Variants in CACNA1B observed in about 807,000 individuals in gnomAD.
CACNA1B encodes the protein voltage-dependent N-type calcium channel subunit alpha-1B.
Under a neutral mutation model 247.2 loss-of-function variants are expected in CACNA1B, and 70 were observed. The observed-to-expected ratio is 0.28, with a 90% CI of 0.23 to 0.35. The LOEUF is 0.35. Among genes scored for constraint, CACNA1B ranks in the 10% least tolerant of loss-of-function variants. CACNA1B has a pLI of 1.00. For synonymous variants in CACNA1B, 1,231 were observed against 1,294.4 expected, an observed-to-expected ratio of 0.95 and a Z score of 1.05; for missense variants, 2,367 against 3,197.4, an observed-to-expected ratio of 0.74 and a Z score of 6.26.
intron 5 of CACNA1B, among the ~76,000 whole-genome samples, chr9:137,915,528 C>G (rs1054033829): frequency 6.6e-6 from 1 of 152,018 alleles, no homozygotes; most frequent in Non-Finnish European, 1.5e-5. Context: ...GAACTACAAA[C>G]TTAGTAAAGG....
intron 18 of CACNA1B, among the ~76,000 whole-genome samples, chr9:138,015,895 G>A (rs1564239460): frequency 6.6e-6 from 1 of 152,006 alleles, no homozygotes; most frequent in South Asian, 2.1e-4. Context: ...CTGAACACTG[G>A]CAGCCTGCAG....
At chr9:138,075,249 G>GC (rs1960273654) in intron 34 of CACNA1B, among the ~76,000 whole-genome samples, 1 of 151,976 alleles carries the variant, frequency 6.6e-6, no homozygotes, top group East Asian at 1.9e-4. Flanking sequence ...TTTTTTTCCT[G>GC]CTTTGGTCTG....
chr9:137,935,522 G>C (rs550081433), intron 6 of CACNA1B, among the ~76,000 whole-genome samples: 1 of 152,326 alleles, frequency 6.6e-6, no homozygotes. Flanking sequence ...ATTTGGGTTA[G>C]TTCTTAGTCT....
intron 3 of CACNA1B, chr9:137,892,177 G>C: frequency 2.2e-6 from 1 of 456,830 alleles, no homozygotes; most frequent in Middle Eastern, 3.3e-4. Context: ...CTGGACACTG[G>C]TCTGCTGGGG....
chr9:138,091,360 G>A (rs529405171), intron 36 of CACNA1B, among the ~76,000 whole-genome samples: 50 of 152,278 alleles, frequency 3.3e-4, no homozygotes, highest in Admixed American at 2.0e-3. Flanking sequence ...AGTGGAGAGT[G>A]GAATAGTGGT....
At position 138,012,858 on chromosome 9, in the gene CACNA1B, A is replaced by G. The variant is rs1481965356; in HGVS notation, c.2161-271A>G. On this transcript the variant is annotated intron_variant, in intron 17 of 46. Transcript: ENST00000371372. This position sits in a 1 kb window ranked among gnomAD's most constrained non-coding sequence, Gnocchi z 4.2. ...CGCCTCCAGGGAGACGGCACAAGCA[A>G]GAGGGCACTGAGGAAGGAATCCTAG... is the stretch of plus-strand genomic sequence containing the variant. Among the ~76,000 whole-genome samples, 1 of 152,140 alleles carries G rather than the reference A, an allele frequency of 6.6e-6. No individual in the cohort carries two copies. Among genetic ancestry groups the G allele is most frequent in the Non-Finnish European group, 1.5e-5 (1 of 68,032 alleles).
At chr9:137,934,667 CT>C (rs1447586633) in intron 6 of CACNA1B, among the ~76,000 whole-genome samples, 2 of 152,188 alleles carry the variant, frequency 1.3e-5, no homozygotes, top group African/African-American at 4.8e-5. Context: ...CAGACAACCC[CT>C]AGTACCAGCC....
intron 23 of CACNA1B, 34 bp downstream of exon 23, chr9:138,047,492 T>C (rs1959194231): frequency 6.7e-7 from 1 of 1,500,134 alleles, no homozygotes. Flanking sequence ...GACCCCAGTG[T>C]TTTGCTCTCC....
chr9:137,959,164 C>T (rs1338299249), intron 10 of CACNA1B, among the ~76,000 whole-genome samples: 2 of 152,034 alleles, frequency 1.3e-5, no homozygotes, highest in African/African-American at 4.8e-5. Context: ...CCTCTGTCTC[C>T]CAGGTTCTAG....
rs1340379252 is a variant in CACNA1B at position 138,102,907 on chromosome 9, G to A, written c.5319+100G>A. 11 of 701,872 alleles carry A rather than the reference G, an allele frequency of 1.6e-5. No homozygotes were observed. Among genetic ancestry groups the A allele is most frequent in the Non-Finnish European group, 2.2e-5 (9 of 409,080 alleles). The allele number at this position is 701,872 out of a possible 1,614,324, so 43.5% of individuals were successfully genotyped here. A position where few individuals can be genotyped will look rare whatever the true frequency, so the allele number is the denominator to read the frequency against. On this transcript the variant is annotated intron_variant, in intron 38 of 46. Coordinates refer to ENST00000371372, the MANE Select transcript of CACNA1B (RefSeq NM_000718.4). The surrounding 1 kb of genome is among the most constrained non-coding windows in gnomAD (Gnocchi z 5.4). ...GCTCCTCTCCCTTTCAGGGTGCCCG[G>A]CTGTCTGTCTGCCGCTCTGCTGTGC...
Position 138,049,224 on chromosome 9 carries a change from C to T in CACNA1B, c.3619C>T (p.Leu1207=). The T allele has an allele frequency of 1.2e-6, 2 of 1,610,756 alleles. No individual in the cohort carries two copies. The highest frequency in any genetic ancestry group is 1.3e-5 in the African/African-American group (1 of 74,988). Residue 1207 remains leucine (L), a synonymous_variant, in exon 24 of 47, where the codon CTG becomes TTG. Transcript: ENST00000371372. ...TCCCTCCTAGATGATCGACTTGGGACTGCTGCTTCACCCTGGAGCCTATTT... is the reference window on the plus strand; with the variant it reads ...TCCCTCCTAGATGATCGACTTGGGATTGCTGCTTCACCCTGGAGCCTATTT... The part of the protein sequence containing the change: ...EMVIKMIDLG[L]LLHPGAYFRD...
At chr9:138,112,280 C>A (rs1961666018) in intron 39 of CACNA1B, 118 bp from the exon 40 acceptor site, 1 of 704,162 alleles carries the variant, frequency 1.4e-6, no homozygotes, top group Non-Finnish European at 2.6e-6. Flanking sequence ...CCGTCTGTAC[C>A]CCATCTCCGC....
intron 3 of CACNA1B, among the ~76,000 whole-genome samples, chr9:137,906,666 C>CA (rs1163885072): frequency 6.6e-6 from 1 of 152,216 alleles, no homozygotes; most frequent in African/African-American, 2.4e-5. Flanking sequence ...ACGTGTTCCC[C>CA]TGCATGCCCA....
rs1554752310 is a variant in CACNA1B at position 138,046,919 on chromosome 9, C to T, written c.3429C>T (p.Cys1143=). ...TCCCTCACAGGCTCCGCCGCTTCTG[C>T]CACTACATCGTGACCATGAGGTACT... The part of the protein sequence containing the change: ...LSPTNLLRRF[C]HYIVTMRYFE... Residue 1143 remains cysteine, a synonymous_variant, in exon 22 of 47, where the codon TGC becomes TGT. Transcript: ENST00000371372. The T allele has an allele frequency of 1.2e-6, 2 of 1,613,436 alleles. No individual in the cohort carries two copies. The highest frequency in any genetic ancestry group is 1.7e-5 in the Admixed American group (1 of 60,002).
intron 6 of CACNA1B, among the ~76,000 whole-genome samples, chr9:137,932,972 G>A (rs762554424): frequency 2.6e-4 from 39 of 151,422 alleles, no homozygotes; most frequent in African/African-American, 8.5e-4. Flanking sequence ...TCTCTCTGTC[G>A]CCTAGGCTGG....
rs1331399225 is a variant in CACNA1B at position 138,117,962 on chromosome 9, G to T, written c.5794G>T (p.Gly1932Cys). The T allele has an allele frequency of 1.3e-6, 2 of 1,585,838 alleles. No individual in the cohort carries two copies. ...CTGCCACAGACAAAACCAAGAGAGT[G>T]GCATCAAAGAGTCTGTCTCCTGGGG... ...NGGAIQNQES[G>C]IKESVSWGTQ... The change falls in exon 43 of 47, where the codon GGC becomes TGC. Residue 1932 changes from glycine (G) to cysteine (C), a missense_variant. Coordinates refer to ENST00000371372, the MANE Select transcript of CACNA1B (RefSeq NM_000718.4).
intron 3 of CACNA1B, chr9:137,890,148 G>A (rs546612940): frequency 8.0e-5 from 12 of 150,178 alleles, no homozygotes; most frequent in Admixed American, 4.0e-4. Context: ...TCCCTGGATA[G>A]AAGCAGCGCG....
intron 42 of CACNA1B, among the ~76,000 whole-genome samples, chr9:138,117,372 C>T (rs993719879): frequency 3.4e-4 from 52 of 152,262 alleles, no homozygotes; most frequent in African/African-American, 8.7e-4. Context: ...CAAAGAGTCC[C>T]GGGCGAGGCC....
chr9:137,987,426 G>A (rs1958378864), intron 15 of CACNA1B, among the ~76,000 whole-genome samples: 1 of 152,190 alleles, frequency 6.6e-6, no homozygotes, highest in African/African-American at 2.4e-5. Flanking sequence ...TCCATAGGCT[G>A]TGGCCCCACA....
Sources: gnomAD v4.1 joint callset for allele counts (sites outside exome capture counted in the v4.1 genomes callset) on GRCh38, gnomAD v4.1.1 for gene constraint, Gnocchi (gnomAD v3.1) non-coding constraint, MANE v1.5 for transcripts, NCBI Gene and HGNC (gene_info 2026-07-23, HGNC 2026-07-21) for gene names.